The following CLCN5 variants were observed in gnomAD, a reference collection of about 807,000 sequenced individuals.
CLCN5 encodes Cl-/H+ antiporter 5.
In CLCN5, 17 loss-of-function variants were observed where a neutral mutation model predicts 54.0. That is an observed-to-expected ratio of 0.31 (90% CI 0.22 to 0.47). CLCN5 has a LOEUF of 0.47. CLCN5 is among the 20% of genes least tolerant of loss of function. The pLI is 1.00. For missense variants in CLCN5, 448 were observed against 646.7 expected, an observed-to-expected ratio of 0.69 and a Z score of 3.33; for synonymous variants, 222 against 233.0, an observed-to-expected ratio of 0.95 and a Z score of 0.43.
At chrX:49,941,920 CTTT>C (rs782574821) in intron 3 of CLCN5, among the ~76,000 whole-genome samples, 1 of 60,566 alleles carries the variant, frequency 1.7e-5, no homozygotes, top group African/African-American at 7.1e-5. Flanking sequence ...CAATCAGTAT[CTTT>C]TTTTTTTTTT....
chrX:49,961,779 T>C (rs1927607610), intron 3 of CLCN5, among the ~76,000 whole-genome samples: 1 of 111,721 alleles, frequency 9.0e-6, no homozygotes, highest in Non-Finnish European at 1.9e-5. Flanking sequence ...CAGTTGGTGG[T>C]ATTTTTTCCT....
At chrX:50,017,249 T>G (rs192717555) in intron 3 of CLCN5, among the ~76,000 whole-genome samples, 1 of 112,133 alleles carries the variant, frequency 8.9e-6, no homozygotes. Flanking sequence ...CCATCAGCAG[T>G]GAACGAGAGT....
At chrX:49,996,531 C>T (rs17174050) in intron 3 of CLCN5, among the ~76,000 whole-genome samples, 8,352 of 112,319 alleles carry the variant, frequency 0.074, 766 homozygotes, top group African/African-American at 0.26. Context: ...ATATGCGTTA[C>T]TGTCTTCACA....
chrX:49,991,672 A>G (rs547917729), intron 3 of CLCN5, among the ~76,000 whole-genome samples: 1 of 112,136 alleles, frequency 8.9e-6, no homozygotes, highest in East Asian at 2.8e-4. Flanking sequence ...TAATAATGCT[A>G]CAAGTTTAGC....
chrX:49,954,011 T>C (rs782472499), intron 3 of CLCN5, among the ~76,000 whole-genome samples: 1 of 112,389 alleles, frequency 8.9e-6, no homozygotes, highest in Middle Eastern at 4.6e-3. Flanking sequence ...TTTAAATTTA[T>C]TTATAAGTTA....
In CLCN5 at chrX:50,090,860, G is replaced by A; in HGVS notation, c.2334G>A (p.Leu778=). Residue 778 remains leucine, a synonymous_variant, in exon 14 of 15, where the codon CTG becomes CTA. Transcript: ENST00000376091. ...IVVDIFRKLG[L]RQCLVTHNGR... is the part of the protein sequence containing the mutation. ...TGGATATTTTCCGAAAGCTGGGACT[G>A]CGGCAGTGCCTGGTTACACACAACG... The A allele has an allele frequency of 8.3e-7, 1 of 1,210,239 alleles. No homozygotes were observed. Among genetic ancestry groups the A allele is most frequent in the Non-Finnish European group, 1.1e-6 (1 of 894,193 alleles).
At chrX:49,994,292 C>A (rs1929402933) in intron 3 of CLCN5, among the ~76,000 whole-genome samples, 1 of 110,466 alleles carries the variant, frequency 9.1e-6, no homozygotes, top group African/African-American at 3.3e-5. Context: ...TGTCTGTAAC[C>A]CATAATAGAA....
At position 50,090,777 on chromosome X, in the gene CLCN5, A is replaced by G. The variant is rs982257889; in HGVS notation, c.2251A>G (p.Asn751Asp). 8.3e-7 allele frequency: 1 copy of G among 1,210,807 alleles called. No homozygotes were observed. Among genetic ancestry groups the G allele is most frequent in the Non-Finnish European group, 1.1e-6 (1 of 894,812 alleles). The change falls in exon 14 of 15, where the codon AAC (asparagine) becomes GAC (aspartate). Residue 751 changes from asparagine (N) to aspartate (D), a missense_variant. This residue lies in a region of CLCN5 where 297 missense variants were observed against 470.4 expected (regional missense o/e 0.63). Transcript: ENST00000376091. ...PYTPPTLKLR[N>D]ILDLSPFTVT... is the part of the protein sequence containing the mutation. ...CACTCCACCCACTCTAAAGCTTCGG[A>G]ACATCCTCGATCTCAGCCCCTTCAC...
intron 3 of CLCN5, among the ~76,000 whole-genome samples, chrX:50,029,070 T>G (rs1490051739): frequency 8.9e-6 from 1 of 112,407 alleles, no homozygotes; most frequent in African/African-American, 3.2e-5. Context: ...AACTATTTAC[T>G]AAAAAGTGAG....
At chrX:50,069,160 AT>A (rs2147541937) in intron 4 of CLCN5, among the ~76,000 whole-genome samples, 1 of 112,281 alleles carries the variant, frequency 8.9e-6, no homozygotes, top group African/African-American at 3.2e-5. Context: ...CACAAAAGTA[AT>A]TGTAATAGAA....
chrX:50,004,683 G>A (rs1470948592), intron 3 of CLCN5, among the ~76,000 whole-genome samples: 1 of 111,634 alleles, frequency 9.0e-6, no homozygotes, highest in Non-Finnish European at 1.9e-5. Context: ...GCTAAGGTAG[G>A]CAGATCACCT....
At chrX:49,970,884 C>T (rs782364884) in intron 3 of CLCN5, among the ~76,000 whole-genome samples, 7 of 111,353 alleles carry the variant, frequency 6.3e-5, no homozygotes, top group East Asian at 2.8e-4. Flanking sequence ...ACCAGCAATG[C>T]GTGAAGGTTC....
chrX:49,965,431 ATTGT>A (rs1482925940), intron 3 of CLCN5, among the ~76,000 whole-genome samples: 2 of 110,973 alleles, frequency 1.8e-5, no homozygotes, highest in African/African-American at 6.6e-5. Flanking sequence ...TCAATTTTTG[ATTGT>A]TGCTAGTATA....
chrX:49,998,953 T>C (rs781936398), intron 3 of CLCN5, among the ~76,000 whole-genome samples: 90 of 111,305 alleles, frequency 8.1e-4, no homozygotes, highest in African/African-American at 2.6e-3. Context: ...TCCACTCTTA[T>C]ATACACAACT....
At chrX:49,926,162 A>C (rs1025950079) in intron 3 of CLCN5, among the ~76,000 whole-genome samples, 3 of 112,483 alleles carry the variant, frequency 2.7e-5, no homozygotes, top group Non-Finnish European at 5.6e-5. Context: ...TGTATCTTTT[A>C]AAAATGTTTC....
At chrX:49,938,340 A>C (rs975483963) in intron 3 of CLCN5, among the ~76,000 whole-genome samples, 7 of 111,903 alleles carry the variant, frequency 6.3e-5, no homozygotes, top group Non-Finnish European at 1.3e-4. Context: ...AGTCATTCCT[A>C]AGCCAAAAGA....
At chrX:50,079,032 C>T (rs112512148) in intron 7 of CLCN5, among the ~76,000 whole-genome samples, 1 of 111,427 alleles carries the variant, frequency 9.0e-6, no homozygotes, top group African/African-American at 3.3e-5. Flanking sequence ...ACCATGTTAG[C>T]CAGGATGGTC....
At chrX:50,038,824 A>G (rs958960560) in intron 3 of CLCN5, among the ~76,000 whole-genome samples, 3 of 112,240 alleles carry the variant, frequency 2.7e-5, no homozygotes, top group Non-Finnish European at 5.6e-5. Flanking sequence ...ACTTTGACGC[A>G]TAGAGTCAAA....
intron 3 of CLCN5, among the ~76,000 whole-genome samples, chrX:50,035,991 C>T (rs1931979483): frequency 8.9e-6 from 1 of 111,752 alleles, no homozygotes; most frequent in African/African-American, 3.3e-5. Context: ...CCTGGCCTAC[C>T]CCAAATTCTG....
Sources: allele counts gnomAD v4.1 joint callset (sites outside exome capture counted in the v4.1 genomes callset), GRCh38; gene constraint gnomAD v4.1.1; regional missense constraint gnomAD v4.1.1; transcripts MANE v1.5; gene names NCBI Gene and HGNC (gene_info 2026-07-23, HGNC 2026-07-21).